RASGEF1C: variants seen among roughly 807,000 people sequenced by gnomAD.
RASGEF1C encodes the protein RasGEF domain family member 1C.
In RASGEF1C, 27 loss-of-function variants were observed where a neutral mutation model predicts 58.1. The observed-to-expected ratio is 0.46, with a 90% CI of 0.34 to 0.64. The LOEUF (loss-of-function observed/expected upper bound fraction) is 0.64, where lower values mean the gene tolerates loss of function less well. RASGEF1C is among the 30% of genes least tolerant of loss of function. RASGEF1C has a pLI of 0.01. For synonymous variants in RASGEF1C, 243 were observed against 246.3 expected (o/e 0.99, Z 0.13); for missense variants, 502 against 605.1 (o/e 0.83, Z 1.79).
chr5:180,117,030 G>A (rs1333146707), intron 10 of RASGEF1C, among the ~76,000 whole-genome samples: 6 of 152,226 alleles, frequency 3.9e-5, no homozygotes, highest in Non-Finnish European at 8.8e-5. Flanking sequence ...GTTGGGGTAT[G>A]GAGGCCAAGT....
rs1192622965 is a variant in RASGEF1C, at chr5:180,128,617, G to A, written c.439-7C>T. On this transcript the variant is annotated splice_region_variant and splice_polypyrimidine_tract_variant and intron_variant, in intron 4 of 13. Coordinates refer to ENST00000361132, the MANE Select transcript of RASGEF1C (RefSeq NM_175062.4). Reference sequence around the variant, plus strand: ...GCATCCTCTTCCGGTATGCCTGGTGGGTGGAAAGAAGGGCGCTCAGGACTG... The same window carrying A: ...GCATCCTCTTCCGGTATGCCTGGTGAGTGGAAAGAAGGGCGCTCAGGACTG... 1.2e-5 allele frequency: 19 copies of A among 1,612,818 alleles called. No individual in the cohort carries two copies. In the East Asian group the frequency reaches 4.2e-4, roughly 36 times the overall value.
At chr5:180,133,347 G>A (rs1425366101) in intron 4 of RASGEF1C, among the ~76,000 whole-genome samples, 1 of 152,160 alleles carries the variant, frequency 6.6e-6, no homozygotes, top group Non-Finnish European at 1.5e-5. Flanking sequence ...AGTGGGCGGG[G>A]GAAAGAGGAA....
chr5:180,163,446 G>A (rs1436656184), intron 1 of RASGEF1C, among the ~76,000 whole-genome samples: 2 of 151,838 alleles, frequency 1.3e-5, no homozygotes, highest in African/African-American at 4.8e-5. Context: ...TTTGTGAGGA[G>A]TTTTATCACG....
chr5:180,151,984 G>C (rs1340386666), intron 1 of RASGEF1C, among the ~76,000 whole-genome samples: 1 of 149,998 alleles, frequency 6.7e-6, no homozygotes, highest in Non-Finnish European at 1.5e-5. Context: ...ATCATCACTG[G>C]CTATCAGAGA....
At position 180,102,142 on chromosome 5, in the gene RASGEF1C, A is replaced by C. The variant is rs1299696438; in HGVS notation, c.1305T>G (p.Gly435=). ...CACTTTCGTAAGAAGCCAAATAAAG[A>C]CCTAGACAGAAAATGAAGTGAAATT... ...LYTAPIFSED[G]LYLASYESES... Residue 435 remains glycine (G), a splice_region_variant and synonymous_variant, in exon 13 of 14, where the codon GGT becomes GGG. Coordinates refer to ENST00000361132, the MANE Select transcript of RASGEF1C (RefSeq NM_175062.4). The C allele has an allele frequency of 6.4e-7, 1 of 1,552,008 alleles. No individual in the cohort carries two copies. Among genetic ancestry groups the C allele is most frequent in the Non-Finnish European group, 8.9e-7 (1 of 1,123,914 alleles).
rs532369090 is a variant in RASGEF1C at position 180,110,879 on chromosome 5, G to A, written c.1303+578C>T. Reference sequence around the variant, plus strand: ...CACCCAGGATGGAGTGCAGTGGTGCGATCTCGGCTCACTGCAACCTCTGCC... The same window carrying A: ...CACCCAGGATGGAGTGCAGTGGTGCAATCTCGGCTCACTGCAACCTCTGCC... On this transcript the variant is annotated intron_variant, in intron 12 of 13. Coordinates refer to ENST00000361132, the MANE Select transcript of RASGEF1C (RefSeq NM_175062.4). Among the ~76,000 whole-genome samples, 894 of 151,974 alleles carry A rather than the reference G, an allele frequency of 5.9e-3. 2 individuals carry two copies. Among genetic ancestry groups the A allele is most frequent in the Non-Finnish European group, 9.1e-3 (616 of 67,986 alleles).
At chr5:180,164,472 T>G (rs1026601158) in intron 1 of RASGEF1C, among the ~76,000 whole-genome samples, 3 of 152,238 alleles carry the variant, frequency 2.0e-5, no homozygotes, top group Non-Finnish European at 4.4e-5. Context: ...TTTAGGTATA[T>G]CCAACAGATT....
In RASGEF1C at chr5:180,118,650, C is replaced by T. The variant is rs763228959; in HGVS notation, c.1042G>A (p.Ala348Thr). Residue 348 changes from alanine to threonine, a missense_variant, in exon 10 of 14, where the codon GCG becomes ACG. Transcript: ENST00000361132. ...FCNYRTALRG[A>T]AHRSLTAHSS... The stretch of plus-strand genomic sequence containing the variant: ...TGGGCCGTCAGGGAGCGGTGGGCCG[C>T]CCCGCGCAGGGCTGTCCTGTAGTTG... 3.2e-5 allele frequency: 51 copies of T among 1,613,872 alleles called. No homozygotes were observed. Among genetic ancestry groups the T allele is most frequent in the Non-Finnish European group, 4.3e-5 (51 of 1,179,860 alleles).
chr5:180,144,603 C>T (rs368284533), intron 1 of RASGEF1C, among the ~76,000 whole-genome samples: 53 of 152,196 alleles, frequency 3.5e-4, no homozygotes, highest in African/African-American at 1.2e-3. Flanking sequence ...TGCACCACTG[C>T]ACTCCAGCCT....
intron 1 of RASGEF1C, among the ~76,000 whole-genome samples, chr5:180,193,742 A>G (rs940198076): frequency 6.6e-6 from 1 of 152,254 alleles, no homozygotes; most frequent in African/African-American, 2.4e-5. Context: ...ATATTTTTGA[A>G]GTAATGGGGG....
intron 1 of RASGEF1C, among the ~76,000 whole-genome samples, chr5:180,163,356 T>C (rs1404599764): frequency 1.3e-5 from 2 of 151,268 alleles, no homozygotes; most frequent in African/African-American, 2.4e-5. Flanking sequence ...ATTCAGTCTT[T>C]TACCATTAAA....
At chr5:180,130,287 G>C (rs910813896) in intron 4 of RASGEF1C, among the ~76,000 whole-genome samples, 2 of 152,300 alleles carry the variant, frequency 1.3e-5, no homozygotes, top group East Asian at 1.9e-4. Flanking sequence ...TGCGGGGTAG[G>C]GGGCAGGGGG....
intron 1 of RASGEF1C, among the ~76,000 whole-genome samples, chr5:180,180,748 C>G (rs570301350): frequency 6.6e-6 from 1 of 152,224 alleles, no homozygotes; most frequent in East Asian, 1.9e-4. Flanking sequence ...TGGAGTATAA[C>G]CTACATCCTG....
At chr5:180,121,229 TC>T in intron 6 of RASGEF1C, 80 bp from the exon 7 acceptor site, 3 of 954,696 alleles carry the variant, frequency 3.1e-6, no homozygotes, top group Non-Finnish European at 5.1e-6. Context: ...CAGTTCATGA[TC>T]CTTACGATCT....
At chr5:180,111,206 G>T (rs1426508737) in intron 12 of RASGEF1C, among the ~76,000 whole-genome samples, 3 of 152,126 alleles carry the variant, frequency 2.0e-5, no homozygotes, top group Non-Finnish European at 4.4e-5. Flanking sequence ...TGTCCAAACT[G>T]TGTCCGGGGA....
At chr5:180,126,582 C>T (rs904004377) in intron 6 of RASGEF1C, among the ~76,000 whole-genome samples, 4 of 152,140 alleles carry the variant, frequency 2.6e-5, no homozygotes, top group Non-Finnish European at 5.9e-5. Context: ...CCTGCTCTTC[C>T]CTCTACCGTT....
rs190250976 is a variant in RASGEF1C, at chr5:180,190,269, C to T, written c.-7+18759G>A. Among the ~76,000 whole-genome samples, 482 of 151,888 alleles carry T rather than the reference C, an allele frequency of 3.2e-3. 2 individuals are homozygous for T. Among genetic ancestry groups the T allele is most frequent in the South Asian group, 0.022 (105 of 4,810 alleles). Reference sequence around the variant, plus strand: ...TTGGGAGGCCGAGGCAGGCGGATCACGAGGTTAGGAGATCGAGACCATCCT... The same window carrying T: ...TTGGGAGGCCGAGGCAGGCGGATCATGAGGTTAGGAGATCGAGACCATCCT... On this transcript the variant is annotated intron_variant, in intron 1 of 13. Coordinates refer to ENST00000361132, the MANE Select transcript of RASGEF1C (RefSeq NM_175062.4).
chr5:180,190,452 T>C (rs1016453813), intron 1 of RASGEF1C, among the ~76,000 whole-genome samples: 8 of 131,734 alleles, frequency 6.1e-5, no homozygotes, highest in Non-Finnish European at 9.6e-5. Context: ...ATCGCGCCAC[T>C]GCACTCCAGA....
rs1337168035 is a variant in RASGEF1C at position 180,101,216 on chromosome 5, T to C, written c.*285A>G. 7.9e-6 allele frequency: 4 copies of C among 506,800 alleles called. No individual in the cohort carries two copies. Among genetic ancestry groups the C allele is most frequent in the East Asian group, 6.2e-5 (2 of 32,274 alleles). The allele number at this position is 506,800 out of a possible 1,614,324, so 31.4% of individuals were successfully genotyped here. A position where few individuals can be genotyped will look rare whatever the true frequency, so the allele number is the denominator to read the frequency against. On this transcript the variant is annotated 3_prime_UTR_variant, in exon 14 of 14. Coordinates refer to ENST00000361132, the MANE Select transcript of RASGEF1C (RefSeq NM_175062.4). ...GGCAGTGTTGTGTCCTTGCCGAGGA[T>C]GGACAGACTGACCAGGCCCCACGGT... is the stretch of plus-strand genomic sequence containing the variant.
Sources: gnomAD v4.1 joint callset for allele counts (sites outside exome capture counted in the v4.1 genomes callset) on GRCh38, gnomAD v4.1.1 for gene constraint, MANE v1.5 for transcripts, NCBI Gene and HGNC (gene_info 2026-07-23, HGNC 2026-07-21) for gene names.